Variants in TMEM117 observed in about 807,000 individuals in gnomAD.
TMEM117 encodes the protein transmembrane protein 117.
TMEM117 carries 27 observed loss-of-function variants against 52.4 expected under a neutral mutation model. The ratio of observed to expected loss-of-function variants is 0.51; its 90% CI spans 0.38 to 0.71. The LOEUF (loss-of-function observed/expected upper bound fraction) is 0.71. Among genes scored for constraint, TMEM117 ranks in the 30% least tolerant of loss-of-function variants. TMEM117 has a pLI of 0.00. For synonymous variants in TMEM117, 215 were observed against 206.3 expected (o/e 1.04, Z -0.36); for missense variants, 556 against 630.5 (o/e 0.88, Z 1.26).
intron 6 of TMEM117, among the ~76,000 whole-genome samples, chr12:44,332,800 C>A (rs1205961147): frequency 1.3e-5 from 2 of 151,222 alleles, no homozygotes; most frequent in Non-Finnish European, 3.0e-5. Context: ...AATAAACTGT[C>A]CTAAATTGAA....
intron 3 of TMEM117, among the ~76,000 whole-genome samples, chr12:43,979,417 T>G (rs1400697605): frequency 6.6e-6 from 1 of 152,180 alleles, no homozygotes; most frequent in East Asian, 1.9e-4. Flanking sequence ...AAGCCTGATT[T>G]ACATGATACT....
chr12:43,871,441 G>A (rs1241548544), intron 2 of TMEM117, among the ~76,000 whole-genome samples: 1 of 152,160 alleles, frequency 6.6e-6, no homozygotes, highest in Non-Finnish European at 1.5e-5. Context: ...TGACTGGTAT[G>A]AGATAGTATC....
At chr12:44,266,727 T>A (rs1375621224) in intron 5 of TMEM117, among the ~76,000 whole-genome samples, 1 of 152,200 alleles carries the variant, frequency 6.6e-6, no homozygotes, top group Non-Finnish European at 1.5e-5. Flanking sequence ...CTATAATTTC[T>A]TCATGAGTTT....
intron 3 of TMEM117, among the ~76,000 whole-genome samples, chr12:44,120,554 G>A (rs1207487096): frequency 6.6e-6 from 1 of 152,136 alleles, no homozygotes. Context: ...CTGCTTTTCA[G>A]TTCAGGAGTT....
upstream of TMEM117, among the ~76,000 whole-genome samples, chr12:43,832,971 C>T (rs1006965953): frequency 9.2e-5 from 14 of 152,160 alleles, no homozygotes; most frequent in East Asian, 1.9e-4. Context: ...TTCCTCTGTC[C>T]AGTTCTGAAA....
At chr12:44,247,965 G>T (rs1245124304) in intron 5 of TMEM117, among the ~76,000 whole-genome samples, 2 of 152,330 alleles carry the variant, frequency 1.3e-5, no homozygotes, top group African/African-American at 4.8e-5. Flanking sequence ...TCCATGTGGG[G>T]CTTGAGGGCA....
intron 7 of TMEM117, among the ~76,000 whole-genome samples, chr12:44,378,479 T>A (rs1951973734): frequency 6.6e-6 from 1 of 152,036 alleles, no homozygotes; most frequent in South Asian, 2.1e-4. Flanking sequence ...GCATGCAGAG[T>A]CCCTAAAGCT....
At chr12:44,168,647 A>G (rs1000035830) in intron 4 of TMEM117, among the ~76,000 whole-genome samples, 2 of 152,180 alleles carry the variant, frequency 1.3e-5, no homozygotes, top group Admixed American at 1.3e-4. Context: ...TATTTTCTTG[A>G]TAAAAGTTCC....
chr12:43,900,633 G>A (rs915098934), intron 2 of TMEM117, among the ~76,000 whole-genome samples: 1 of 151,624 alleles, frequency 6.6e-6, no homozygotes, highest in Non-Finnish European at 1.5e-5. Context: ...AAGGAGAATC[G>A]CTTGAACCAA....
intron 6 of TMEM117, among the ~76,000 whole-genome samples, chr12:44,308,253 C>G (rs1008228170): frequency 6.6e-6 from 1 of 152,180 alleles, no homozygotes; most frequent in African/African-American, 2.4e-5. Flanking sequence ...GGAATTTTTT[C>G]AAAGCCATCC....
intron 3 of TMEM117, among the ~76,000 whole-genome samples, chr12:44,091,710 T>C (rs564379657): frequency 6.6e-6 from 1 of 152,206 alleles, no homozygotes; most frequent in Non-Finnish European, 1.5e-5. Flanking sequence ...TTGCATTCTT[T>C]TCAAAATTCA....
chr12:44,108,168 G>T (rs984414635), intron 3 of TMEM117, among the ~76,000 whole-genome samples: 1 of 151,914 alleles, frequency 6.6e-6, no homozygotes, highest in African/African-American at 2.4e-5. Flanking sequence ...TTCTTTACCT[G>T]TTCCACTAAT....
chr12:44,250,755 G>A (rs1343309315), intron 5 of TMEM117, among the ~76,000 whole-genome samples: 1 of 152,138 alleles, frequency 6.6e-6, no homozygotes, highest in Non-Finnish European at 1.5e-5. Context: ...ACCAAACACT[G>A]CATGTTCTTG....
intron 6 of TMEM117, among the ~76,000 whole-genome samples, chr12:44,356,143 A>G (rs1417667809): frequency 6.6e-6 from 1 of 152,150 alleles, no homozygotes; most frequent in Non-Finnish European, 1.5e-5. Flanking sequence ...TAAGAATACA[A>G]GGTCCTGAAA....
chr12:44,338,478 A>G (rs533319381), intron 6 of TMEM117, among the ~76,000 whole-genome samples: 64 of 152,164 alleles, frequency 4.2e-4, no homozygotes, highest in African/African-American at 1.3e-3. Context: ...ACATACGCAC[A>G]TACACACACA....
At chr12:44,362,709 T>TA (rs1424662681) in intron 6 of TMEM117, among the ~76,000 whole-genome samples, 5 of 152,162 alleles carry the variant, frequency 3.3e-5, no homozygotes, top group Non-Finnish European at 7.4e-5. Flanking sequence ...CAAAGATAGT[T>TA]AGAGTAAAGA....
At chr12:44,100,537 T>C (rs1408417690) in intron 3 of TMEM117, among the ~76,000 whole-genome samples, 4 of 152,040 alleles carry the variant, frequency 2.6e-5, no homozygotes, top group African/African-American at 9.7e-5. Context: ...CAAGTGATGG[T>C]GTGTTTTCAC....
intron 1 of TMEM117, among the ~76,000 whole-genome samples, chr12:43,836,955 C>G (rs73096907): frequency 0.036 from 5,546 of 152,212 alleles, 123 homozygotes; most frequent in Non-Finnish European, 0.041. Flanking sequence ...CAAGGAAGGA[C>G]TTCTAGGAAG....
At chr12:44,060,548 G>A (rs1482069732) in intron 3 of TMEM117, among the ~76,000 whole-genome samples, 1 of 152,184 alleles carries the variant, frequency 6.6e-6, no homozygotes, top group East Asian at 1.9e-4. Flanking sequence ...TCAGGAGCCT[G>A]TGGTCTTCAT....
Sources: allele counts gnomAD v4.1 joint callset (sites outside exome capture counted in the v4.1 genomes callset), GRCh38; gene constraint gnomAD v4.1.1; transcripts MANE v1.5; gene names NCBI Gene and HGNC (gene_info 2026-07-23, HGNC 2026-07-21).